Variants in HPSE2 observed in about 807,000 individuals in gnomAD.
HPSE2 encodes the protein heparanase 2 (inactive).
In HPSE2, 38 loss-of-function variants were observed where a neutral mutation model predicts 60.5. The ratio of observed to expected loss-of-function variants is 0.63; its 90% CI spans 0.48 to 0.82. The LOEUF (loss-of-function observed/expected upper bound fraction) is 0.82, where lower values mean the gene tolerates loss of function less well. Among genes scored for constraint, HPSE2 ranks in the 40% least tolerant of loss-of-function variants. The pLI is 0.00. For missense variants in HPSE2, 713 were observed against 740.4 expected (o/e 0.96, Z 0.43); for synonymous variants, 295 against 293.2 (o/e 1.01, Z -0.06).
At chr10:98,501,661 C>G (rs758779857) in intron 9 of HPSE2, among the ~76,000 whole-genome samples, 1 of 152,104 alleles carries the variant, frequency 6.6e-6, no homozygotes, top group Non-Finnish European at 1.5e-5. Flanking sequence ...GCCCACTCTC[C>G]TCACTCCTCT....
intron 2 of HPSE2, among the ~76,000 whole-genome samples, chr10:99,208,687 A>AG (rs1389289867): frequency 2.0e-5 from 3 of 149,340 alleles, no homozygotes; most frequent in Non-Finnish European, 3.0e-5. Flanking sequence ...CCAGTCTCAA[A>AG]AAATAAAAAT....
At chr10:98,614,823 T>A (rs1945859012) in intron 9 of HPSE2, 81 bp downstream of exon 9, 2 of 948,082 alleles carry the variant, frequency 2.1e-6, no homozygotes, top group Non-Finnish European at 3.5e-6. Flanking sequence ...AGGAAAAATA[T>A]TCTCCTAGTA....
intron 4 of HPSE2, 82 bp from the exon 5 acceptor site, chr10:98,721,910 T>A: frequency 8.8e-7 from 1 of 1,132,964 alleles, no homozygotes; most frequent in Non-Finnish European, 1.3e-6. Context: ...TCTCTCTGCC[T>A]TTTTCTTAAT....
At chr10:99,251,706 T>C in the HPSE2 span, among the ~76,000 whole-genome samples, 5 of 151,872 alleles carry the variant, frequency 3.3e-5, no homozygotes, top group African/African-American at 1.2e-4. Context: ...CAAATCAATA[T>C]ATGTGATTCA....
intron 3 of HPSE2, among the ~76,000 whole-genome samples, chr10:99,041,073 C>T (rs896332912): frequency 6.7e-6 from 1 of 149,090 alleles, no homozygotes; most frequent in Admixed American, 6.7e-5. Flanking sequence ...AGTGACATAG[C>T]GAGACTCCAT....
chr10:98,842,542 A>T (rs1262137632), intron 3 of HPSE2, among the ~76,000 whole-genome samples: 2 of 93,782 alleles, frequency 2.1e-5, no homozygotes, highest in Admixed American at 1.1e-4. Context: ...AAGTGTCTTT[A>T]AAAAAAAAAA....
chr10:98,576,649 A>G (rs1944648175), intron 9 of HPSE2, among the ~76,000 whole-genome samples: 2 of 151,848 alleles, frequency 1.3e-5, no homozygotes, highest in South Asian at 4.2e-4. Context: ...GGCCCTCCTC[A>G]GGTCTACCTC....
At chr10:98,922,214 C>T (rs1468272032) in intron 3 of HPSE2, among the ~76,000 whole-genome samples, 1 of 152,120 alleles carries the variant, frequency 6.6e-6, no homozygotes, top group African/African-American at 2.4e-5. Flanking sequence ...TTTATACTTG[C>T]AGCACACCTC....
intron 7 of HPSE2, among the ~76,000 whole-genome samples, chr10:98,622,785 A>G (rs1356316117): frequency 6.6e-6 from 1 of 152,190 alleles, no homozygotes; most frequent in Non-Finnish European, 1.5e-5. Flanking sequence ...ATACACAAAA[A>G]AAGAAGAGTC....
chr10:98,843,098 T>A (rs1344732558), intron 3 of HPSE2, among the ~76,000 whole-genome samples: 1 of 152,066 alleles, frequency 6.6e-6, no homozygotes, highest in Non-Finnish European at 1.5e-5. Flanking sequence ...AGGTAAACTG[T>A]GTCATGGGGG....
chr10:98,733,281 T>C (rs1949273215), intron 4 of HPSE2, among the ~76,000 whole-genome samples: 1 of 152,082 alleles, frequency 6.6e-6, no homozygotes, highest in African/African-American at 2.4e-5. Context: ...CAGCATATTC[T>C]GCTTATTTTT....
At chr10:98,619,652 T>C (rs1003955757) in intron 8 of HPSE2, among the ~76,000 whole-genome samples, 10 of 152,178 alleles carry the variant, frequency 6.6e-5, no homozygotes, top group Non-Finnish European at 1.3e-4. Flanking sequence ...AAGGCTTTAG[T>C]CACATTAGTC....
At chr10:98,951,752 T>C (rs1417506662) in intron 3 of HPSE2, among the ~76,000 whole-genome samples, 1 of 152,148 alleles carries the variant, frequency 6.6e-6, no homozygotes, top group Non-Finnish European at 1.5e-5. Context: ...CAGACCATTA[T>C]CTCCCTTCAT....
Position 99,180,889 on chromosome 10 carries a change from CAAAAAAAAAAAAAA to C in HPSE2, c.449-36504_449-36491del, listed in dbSNP as rs68033581. Among the ~76,000 whole-genome samples, 21 of 29,700 alleles carry C rather than the reference CAAAAAAAAAAAAAA, an allele frequency of 7.1e-4. 1 individual carries two copies. In the South Asian group the frequency reaches 0.036, roughly 51 times the overall value. The allele number at this position is 29,700 out of a possible 152,430, so 19.5% of individuals were successfully genotyped here. On this transcript the variant is annotated intron_variant, in intron 2 of 11. Coordinates refer to ENST00000370552, the MANE Select transcript of HPSE2 (RefSeq NM_021828.5). ...TGGGCAACAAGGCAAGACTCCATCT[CAAAAAAAAAAAAAA>C]AAAAAAAAAAAAAAACACAGATGCT...
intron 9 of HPSE2, among the ~76,000 whole-genome samples, chr10:98,563,275 C>T (rs1007954023): frequency 6.6e-6 from 1 of 152,016 alleles, no homozygotes; most frequent in Admixed American, 6.6e-5. Context: ...CATGGATGAA[C>T]CTTGAAGACA....
At chr10:99,083,423 T>G (rs190647415) in intron 3 of HPSE2, among the ~76,000 whole-genome samples, 46 of 152,348 alleles carry the variant, frequency 3.0e-4, no homozygotes, top group Non-Finnish European at 5.3e-4. Context: ...ACAAATTTTG[T>G]AATCAAAAGC....
At chr10:99,077,397 T>C (rs1842982342) in intron 3 of HPSE2, among the ~76,000 whole-genome samples, 1 of 152,190 alleles carries the variant, frequency 6.6e-6, no homozygotes, top group South Asian at 2.1e-4. Flanking sequence ...GCTTTCTTCA[T>C]TCTTTTTCAC....
intron 3 of HPSE2, among the ~76,000 whole-genome samples, chr10:98,749,277 A>C (rs1949698513): frequency 6.6e-6 from 1 of 152,222 alleles, no homozygotes; most frequent in South Asian, 2.1e-4. Flanking sequence ...TAACTTATTA[A>C]ATTACTCAAC....
Position 99,223,167 on chromosome 10 carries a change from T to C in HPSE2, c.448+9181A>G, listed in dbSNP as rs1354004013. Among the ~76,000 whole-genome samples, 5 of 152,262 alleles carry C rather than the reference T, an allele frequency of 3.3e-5. No homozygotes were observed. The East Asian group carries it at 9.6e-4, about 29-fold the overall frequency. The stretch of plus-strand genomic sequence containing the variant: ...GGCACAACTCATTAGCTGGGTAGTC[T>C]TGGGCAAATTACTTAACCTCTCTGT... On this transcript the variant is annotated intron_variant, in intron 2 of 11. Coordinates refer to ENST00000370552, the MANE Select transcript of HPSE2 (RefSeq NM_021828.5).
Sources: gnomAD v4.1 joint callset for allele counts (sites outside exome capture counted in the v4.1 genomes callset) on GRCh38, gnomAD v4.1.1 for gene constraint, MANE v1.5 for transcripts, NCBI Gene and HGNC (gene_info 2026-07-23, HGNC 2026-07-21) for gene names.